Variants in HEXA observed in about 807,000 individuals in gnomAD.
HEXA encodes the protein beta-hexosaminidase subunit alpha.
A neutral mutation model predicts 73.3 loss-of-function variants in HEXA; 54 were observed. The ratio of observed to expected loss-of-function variants is 0.74; its 90% CI spans 0.59 to 0.92. HEXA has a LOEUF of 0.92. Among genes scored for constraint, HEXA ranks in the 40% least tolerant of loss-of-function variants. The pLI is 0.00. For synonymous variants in HEXA, 230 were observed against 246.9 expected, an observed-to-expected ratio of 0.93 and a Z score of 0.64; for missense variants, 649 against 653.0, an observed-to-expected ratio of 0.99 and a Z score of 0.07.
chr15:72,352,447 CAAAAAAA>C (rs540544720), intron 5 of HEXA, among the ~76,000 whole-genome samples: 1 of 67,144 alleles, frequency 1.5e-5, no homozygotes, highest in Admixed American at 1.6e-4. Context: ...ACAAAAAATA[CAAAAAAA>C]AAAAAAAAAA....
At chr15:72,345,271 T>C (rs1356601054) in intron 13 of HEXA, 175 bp downstream of exon 13, 2 of 1,243,856 alleles carry the variant, frequency 1.6e-6, no homozygotes, top group Non-Finnish European at 2.2e-6. Flanking sequence ...TTTTTTGTTG[T>C]ATTTTTTTTT....
chr15:72,348,097 T>C lies in HEXA; in HGVS notation c.1024A>G (p.Lys342Glu), dbSNP rs1322698222. The C allele has an allele frequency of 7.4e-6, 12 of 1,613,698 alleles. No homozygotes were observed. The highest frequency in any genetic ancestry group is 1.0e-5 in the Non-Finnish European group (12 of 1,179,682). Residue 342 changes from lysine (K) to glutamate (E), a missense_variant, in exon 9 of 14, where the codon AAA becomes GAA. Transcript: ENST00000268097. ...TGCTTGAAGTCCTCACCGAAGCCTT[T>C]CTTCCTCATAAAGTCCTGGATCTCT... ...NPEIQDFMRK[K>E]GFGEDFKQLE... is the part of the protein sequence containing the mutation.
Position 72,351,455 on chromosome 15 carries a change from C to A in HEXA, c.571-221G>T, listed in dbSNP as rs2088695266. 8.3e-6 allele frequency: 5 copies of A among 606,034 alleles called. No homozygotes were observed. The East Asian group carries it at 1.1e-4, about 14-fold the overall frequency. 37.5% of individuals were successfully genotyped at this position (606,034 alleles called of 1,614,324 possible). ...CACTTCTACTTTTCCCAGAACACATCCAAAGATGGATGATAGAAGTGGTCT... is the reference window on the plus strand; with the variant it reads ...CACTTCTACTTTTCCCAGAACACATACAAAGATGGATGATAGAAGTGGTCT... On this transcript the variant is annotated intron_variant, in intron 5 of 13. Coordinates refer to ENST00000268097, the MANE Select transcript of HEXA (RefSeq NM_000520.6).
Position 72,345,550 on chromosome 15 carries a change from C to G in HEXA, c.1422G>C (p.Trp474Cys), listed in dbSNP as rs121907981. Residue 474 changes from tryptophan (W) to cysteine (C), a missense_variant and splice_region_variant, in exon 13 of 14, where the codon TGG becomes TGC. Transcript: ENST00000268097. ...VDNTNLVPRLWPRAGAVAERL... is the reference protein window; with the variant it reads ...VDNTNLVPRLCPRAGAVAERL... Reference sequence around the variant, plus strand: ...TTTCGGCAACAGCCCCTGCTCTGGGCCTGGAGGAAAAGGGGCATGTGCCAG... The same window carrying G: ...TTTCGGCAACAGCCCCTGCTCTGGGGCTGGAGGAAAAGGGGCATGTGCCAG... 3.7e-6 allele frequency: 6 copies of G among 1,614,016 alleles called. No individual in the cohort carries two copies. The highest frequency in any genetic ancestry group is 5.1e-6 in the Non-Finnish European group (6 of 1,180,026).
intron 1 of HEXA, among the ~76,000 whole-genome samples, chr15:72,373,953 C>G (rs2089024578): frequency 6.7e-6 from 1 of 148,804 alleles, no homozygotes; most frequent in Admixed American, 6.8e-5. Flanking sequence ...GAGCCAAGAT[C>G]GTATCACTGC....
In HEXA at chr15:72,345,667, T is replaced by C. The variant is rs2088603209; in HGVS notation, c.1422-117A>G. On this transcript the variant is annotated intron_variant, in intron 12 of 13. Coordinates refer to ENST00000268097, the MANE Select transcript of HEXA (RefSeq NM_000520.6). ...CTGGACTCACTCAGGCCAAAGGAAG[T>C]GATCAATACCTTGTTATGAGCCACA... 2.6e-6 allele frequency: 4 copies of C among 1,528,596 alleles called. No homozygotes were observed. The African/African-American group carries it at 5.5e-5, about 21-fold the overall frequency. 94.7% of individuals were successfully genotyped at this position (1,528,596 alleles called of 1,614,324 possible).
At chr15:72,370,376 T>C (rs1201341725) in intron 1 of HEXA, 1 of 363,058 alleles carries the variant, frequency 2.8e-6, no homozygotes, top group East Asian at 4.0e-5. Flanking sequence ...GACTCAGTAC[T>C]ATACAGGGAT....
chr15:72,371,462 T>C (rs186198210), intron 1 of HEXA, among the ~76,000 whole-genome samples: 30 of 151,940 alleles, frequency 2.0e-4, no homozygotes, highest in African/African-American at 7.2e-4. Context: ...GCTATGCACC[T>C]GTAGTCCCAG....
chr15:72,368,929 C>T (rs966614161), intron 1 of HEXA, among the ~76,000 whole-genome samples: 3 of 152,248 alleles, frequency 2.0e-5, no homozygotes, highest in African/African-American at 7.2e-5. Flanking sequence ...AGGCATCTCT[C>T]TTACCCCCTC....
At chr15:72,347,869 A>T (rs2088638684) in intron 9 of HEXA, 111 bp from the exon 10 acceptor site, 1 of 1,111,008 alleles carries the variant, frequency 9.0e-7, no homozygotes, top group African/African-American at 1.5e-5. Flanking sequence ...TTCCTCATTA[A>T]GCAGTGTCTT....
chr15:72,343,903 C>A lies in HEXA; in HGVS notation c.*174G>T. 1 of 607,398 alleles carries A rather than the reference C, an allele frequency of 1.6e-6. No homozygotes were observed. The highest frequency in any genetic ancestry group is 3.0e-6 in the Non-Finnish European group (1 of 336,688). 37.6% of individuals were successfully genotyped at this position (607,398 alleles called of 1,614,324 possible). A position where few individuals can be genotyped will look rare whatever the true frequency, so the allele number is the denominator to read the frequency against. On this transcript the variant is annotated 3_prime_UTR_variant, in exon 14 of 14. Coordinates refer to ENST00000268097, the MANE Select transcript of HEXA (RefSeq NM_000520.6). ...ATCCATGTTTATTATAGAAAAATGCCACATTACTCTTTATTGAATGCGAGC... is the reference window on the plus strand; with the variant it reads ...ATCCATGTTTATTATAGAAAAATGCAACATTACTCTTTATTGAATGCGAGC...
At chr15:72,345,680 G>GT (rs2088603460) in intron 12 of HEXA, 130 bp from the exon 13 acceptor site, 1 of 1,480,070 alleles carries the variant, frequency 6.8e-7, no homozygotes, top group African/African-American at 1.4e-5. Flanking sequence ...TCAATACCTT[G>GT]TTATGAGCCA....
At chr15:72,345,804 C>A in intron 12 of HEXA, 2 of 571,644 alleles carry the variant, frequency 3.5e-6, no homozygotes, top group Admixed American at 3.0e-5. Flanking sequence ...AAGAATAAAC[C>A]TTAAAGCCAT....
At chr15:72,349,682 G>A (rs976852688) in intron 7 of HEXA, among the ~76,000 whole-genome samples, 2 of 152,168 alleles carry the variant, frequency 1.3e-5, no homozygotes, top group Admixed American at 6.5e-5. Context: ...TTTTACATTT[G>A]CTAAGGGATA....
At position 72,375,996 on chromosome 15, in the gene HEXA, A is replaced by C; in HGVS notation, c.-24T>G. On this transcript the variant is annotated 5_prime_UTR_variant, in exon 1 of 14. Coordinates refer to ENST00000268097, the MANE Select transcript of HEXA (RefSeq NM_000520.6). ...ATGGCCCGCTGGTCTCCCCTCTCGG[A>C]GGGGGCTGGCCACGTGAGACCCTGG... 1 of 1,610,128 alleles carries C rather than the reference A, an allele frequency of 6.2e-7. No individual in the cohort carries two copies. The highest frequency in any genetic ancestry group is 8.5e-7 in the Non-Finnish European group (1 of 1,179,892).
Position 72,346,609 on chromosome 15 carries a change from G to A in HEXA, c.1248C>T (p.Leu416=), listed in dbSNP as rs369978649. The change falls in exon 11 of 14, where the codon CTC becomes CTT. Residue 416 remains leucine, a synonymous_variant. Coordinates refer to ENST00000268097, the MANE Select transcript of HEXA (RefSeq NM_000520.6). ...TACGGTTCAGGTACCAGGGGGCAGAGAGAAGGGCCCGGAAGCCGGCCTTGG... is the reference window on the plus strand; with the variant it reads ...TACGGTTCAGGTACCAGGGGGCAGAAAGAAGGGCCCGGAAGCCGGCCTTGG... ...LVTKAGFRAL[L]SAPWYLNRIS... 1 of 1,614,020 alleles carries A rather than the reference G, an allele frequency of 6.2e-7. No individual in the cohort carries two copies. The highest frequency in any genetic ancestry group is 8.5e-7 in the Non-Finnish European group (1 of 1,180,026).
chr15:72,352,961 G>A, intron 5 of HEXA, 107 bp downstream of exon 5: 1 of 744,772 alleles, frequency 1.3e-6, no homozygotes, highest in Middle Eastern at 2.4e-4. Flanking sequence ...ACCACACCCA[G>A]TCCATACATT....
chr15:72,346,200 G>T, intron 12 of HEXA, 35 bp downstream of exon 12: 1 of 1,517,070 alleles, frequency 6.6e-7, no homozygotes, highest in Non-Finnish European at 9.1e-7. Context: ...CTGCTCTCAG[G>T]CCCAACCCTC....
At chr15:72,359,813 T>C (rs1318827758) in intron 1 of HEXA, 2 of 151,262 alleles carry the variant, frequency 1.3e-5, no homozygotes, top group African/African-American at 4.9e-5. Context: ...TTTGGTACCC[T>C]TCCTTAGTCC....
Sources: gnomAD v4.1 joint callset for allele counts (sites outside exome capture counted in the v4.1 genomes callset) on GRCh38, gnomAD v4.1.1 for gene constraint, MANE v1.5 for transcripts, NCBI Gene and HGNC (gene_info 2026-07-23, HGNC 2026-07-21) for gene names.